PNPLA8: variants seen among roughly 807,000 people sequenced by gnomAD.
PNPLA8 encodes patatin like domain 8, phospholipase A2.
A neutral mutation model predicts 76.9 loss-of-function variants in PNPLA8; 39 were observed. The ratio of observed to expected loss-of-function variants is 0.51; its 90% CI spans 0.39 to 0.66. PNPLA8 has a LOEUF of 0.66. PNPLA8 is among the 30% of genes least tolerant of loss of function. The pLI is 0.00. For missense variants in PNPLA8, 887 were observed against 918.0 expected, an observed-to-expected ratio of 0.97 and a Z score of 0.44; for synonymous variants, 301 against 307.9, an observed-to-expected ratio of 0.98 and a Z score of 0.24.
chr7:108,524,608 T>A (rs1458831918), intron 1 of PNPLA8, among the ~76,000 whole-genome samples: 2 of 152,180 alleles, frequency 1.3e-5, no homozygotes, highest in Non-Finnish European at 2.9e-5. Flanking sequence ...GCGGATCACC[T>A]GAGGCCAGGA....
rs548461423 is a variant in PNPLA8, at chr7:108,517,467, C to T, written c.-83-1893G>A. 2.0e-5 allele frequency among the ~76,000 whole-genome samples: 3 copies of T among 152,256 alleles called. No individual in the cohort carries two copies. In the South Asian group the frequency reaches 6.2e-4, roughly 32 times the overall value. On this transcript the variant is annotated intron_variant, in intron 2 of 10. Coordinates refer to ENST00000257694, the MANE Select transcript of PNPLA8 (RefSeq NM_001256007.3). ...ATCTGCACGAGGATGTTTACAGAAG[C>T]CTTATTCATAATTGCCAAAATTTCA...
At position 108,508,850 on chromosome 7, in the gene PNPLA8, A is replaced by G. The variant is rs1253651216; in HGVS notation, c.1206+5294T>C. Among the ~76,000 whole-genome samples the G allele has an allele frequency of 1.6e-3, 229 of 144,626 alleles. 2 individuals are homozygous for G. Among genetic ancestry groups the G allele is most frequent in the African/African-American group, 5.6e-3 (214 of 38,534 alleles). 94.9% of individuals were successfully genotyped at this position (144,626 alleles called of 152,430 possible). A position where few individuals can be genotyped will look rare whatever the true frequency, so the allele number is the denominator to read the frequency against. On this transcript the variant is annotated intron_variant, in intron 4 of 10. Transcript: ENST00000257694. ...GAGATATAGATCAATGGAACAGAAC[A>G]GAGCCCTCAGAAATAACGCCGCATA...
At chr7:108,521,002 T>C (rs1225768003) in intron 2 of PNPLA8, among the ~76,000 whole-genome samples, 1 of 152,156 alleles carries the variant, frequency 6.6e-6, no homozygotes, top group Non-Finnish European at 1.5e-5. Context: ...ACAGCAGTCA[T>C]ACTATCCTCA....
chr7:108,520,942 A>G (rs1863691182), intron 2 of PNPLA8, among the ~76,000 whole-genome samples: 1 of 152,146 alleles, frequency 6.6e-6, no homozygotes, highest in African/African-American at 2.4e-5. Context: ...AGCCATGCTC[A>G]AAGTCAACAG....
At position 108,505,333 on chromosome 7, in the gene PNPLA8, TATATATATATATA is replaced by T. The variant is rs1563967831; in HGVS notation, c.1207-2704_1207-2692del. On this transcript the variant is annotated intron_variant, in intron 4 of 10. Transcript: ENST00000257694. ...ATATATATATATATATATATATATA[TATATATATATATA>T]TATATATTTTTTTTTTTTTTTTTTT... Among the ~76,000 whole-genome samples, 7 of 9,884 alleles carry T rather than the reference TATATATATATATA, an allele frequency of 7.1e-4. 1 individual carries two copies. Among genetic ancestry groups the T allele is most frequent in the Non-Finnish European group, 8.7e-4 (5 of 5,774 alleles). 6.5% of individuals were successfully genotyped at this position (9,884 alleles called of 152,430 possible).
intron 4 of PNPLA8, among the ~76,000 whole-genome samples, chr7:108,503,110 C>T (rs886436459): frequency 2.8e-4 from 42 of 152,206 alleles, no homozygotes; most frequent in African/African-American, 9.9e-4. Context: ...AGAATACAAA[C>T]AAATGTTAAC....
intron 7 of PNPLA8, among the ~76,000 whole-genome samples, chr7:108,493,852 G>C (rs1220824739): frequency 6.6e-6 from 1 of 151,776 alleles, no homozygotes; most frequent in Non-Finnish European, 1.5e-5. Flanking sequence ...TTGTGTAAAA[G>C]AATAATGAGA....
chr7:108,476,153 G>T (rs577865180), intron 10 of PNPLA8, among the ~76,000 whole-genome samples: 1 of 150,158 alleles, frequency 6.7e-6, no homozygotes, highest in African/African-American at 2.4e-5. Context: ...CAACAGCAAT[G>T]TTGTTGTTAT....
chr7:108,505,817 G>A (rs1182582193), intron 4 of PNPLA8, among the ~76,000 whole-genome samples: 1 of 152,046 alleles, frequency 6.6e-6, no homozygotes, highest in Non-Finnish European at 1.5e-5. Context: ...ATAGGAGAAC[G>A]ATTTGTAAGA....
Position 108,514,690 on chromosome 7 carries a change from T to C in PNPLA8, c.802A>G (p.Lys268Glu), listed in dbSNP as rs752576177. The C allele has an allele frequency of 1.3e-5, 21 of 1,613,954 alleles. No homozygotes were observed. In the African/African-American group the frequency reaches 2.3e-4, roughly 17 times the overall value. Residue 268 changes from lysine to glutamate, a missense_variant, in exon 3 of 11, where the codon AAG (lysine) becomes GAG (glutamate). Transcript: ENST00000257694. ...GGTATCGCAGAAGGACTTGTAGGCTTGTCCACCGTATGTACAGATTCTGAG... is the reference window on the plus strand; with the variant it reads ...GGTATCGCAGAAGGACTTGTAGGCTCGTCCACCGTATGTACAGATTCTGAG... ...PGSESVHTVD[K>E]PTSPSAIPDV...
chr7:108,492,291 A>G (rs752159584), intron 7 of PNPLA8, among the ~76,000 whole-genome samples: 3 of 152,190 alleles, frequency 2.0e-5, no homozygotes, highest in Non-Finnish European at 4.4e-5. Flanking sequence ...GCTTTAATAA[A>G]TATCAATGTA....
At chr7:108,504,937 A>G (rs1862234028) in intron 4 of PNPLA8, among the ~76,000 whole-genome samples, 1 of 152,030 alleles carries the variant, frequency 6.6e-6, no homozygotes, top group South Asian at 2.1e-4. Context: ...CTAGCTGGGC[A>G]TGGTGGTGCA....
In PNPLA8 at chr7:108,491,401, TA is replaced by T; in HGVS notation, c.1683+8del. The T allele has an allele frequency of 6.4e-7, 1 of 1,574,376 alleles. No individual in the cohort carries two copies. Among genetic ancestry groups the T allele is most frequent in the Non-Finnish European group, 8.7e-7 (1 of 1,143,650 alleles). ...ACTAGGTGTTATATTTAAGAGACTCTAAGCTTACCTTAGGACATGTGGGGTT... is the reference window on the plus strand; with the variant it reads ...ACTAGGTGTTATATTTAAGAGACTCTAGCTTACCTTAGGACATGTGGGGTT... On this transcript the variant is annotated splice_region_variant and intron_variant, in intron 8 of 10. Coordinates refer to ENST00000257694, the MANE Select transcript of PNPLA8 (RefSeq NM_001256007.3).
rs775631761 is a variant in PNPLA8 at position 108,515,295 on chromosome 7, G to A, written c.197C>T (p.Ser66Phe). The A allele has an allele frequency of 6.2e-7, 1 of 1,610,826 alleles. No individual in the cohort carries two copies. The highest frequency in any genetic ancestry group is 2.2e-5 in the East Asian group (1 of 44,830). ...RCKWTKSEAH[S>F]CSKHCYSPSN... The stretch of plus-strand genomic sequence containing the variant: ...TGGAGAGTAACAGTGCTTACTGCAA[G>A]AATGTGCTTCACTTTTGGTCCATTT... The change falls in exon 3 of 11, where the codon TCT (serine) becomes TTT (phenylalanine). Residue 66 changes from serine (S) to phenylalanine (F), a missense_variant. Coordinates refer to ENST00000257694, the MANE Select transcript of PNPLA8 (RefSeq NM_001256007.3).
At chr7:108,490,355 T>G (rs1861054653) in intron 8 of PNPLA8, among the ~76,000 whole-genome samples, 1 of 152,198 alleles carries the variant, frequency 6.6e-6, no homozygotes, top group Non-Finnish European at 1.5e-5. Context: ...CATCTAAGTA[T>G]GTCTAAGTAC....
At chr7:108,482,681 T>C (rs1860481090) in intron 9 of PNPLA8, among the ~76,000 whole-genome samples, 1 of 152,226 alleles carries the variant, frequency 6.6e-6, no homozygotes, top group Admixed American at 6.5e-5. Context: ...TTAGGTCTTC[T>C]TTTATTTCTT....
At chr7:108,517,926 C>G (rs1427351407) in intron 2 of PNPLA8, among the ~76,000 whole-genome samples, 1 of 152,140 alleles carries the variant, frequency 6.6e-6, no homozygotes, top group Non-Finnish European at 1.5e-5. Flanking sequence ...GGTACACATG[C>G]CTGGCTTAGG....
intron 2 of PNPLA8, among the ~76,000 whole-genome samples, chr7:108,519,394 A>G (rs2154517064): frequency 6.6e-6 from 1 of 152,240 alleles, no homozygotes; most frequent in African/African-American, 2.4e-5. Context: ...ACACACACAG[A>G]GGCAAACAGA....
intron 9 of PNPLA8, chr7:108,480,562 G>A: frequency 5.0e-6 from 1 of 198,364 alleles, no homozygotes; most frequent in Non-Finnish European, 1.1e-5. Flanking sequence ...TGTCACTGGT[G>A]CTTGGCATCT....
Sources: gnomAD v4.1 joint callset for allele counts (sites outside exome capture counted in the v4.1 genomes callset) on GRCh38, gnomAD v4.1.1 for gene constraint, MANE v1.5 for transcripts, NCBI Gene and HGNC (gene_info 2026-07-23, HGNC 2026-07-21) for gene names.